The following GLRA2 variants were observed in gnomAD, a reference collection of about 807,000 sequenced individuals.
GLRA2 encodes the protein glycine receptor alpha 2, also known as glycine receptor subunit alpha-2.
GLRA2 carries 11 observed loss-of-function variants against 31.6 expected under a neutral mutation model. The observed-to-expected ratio is 0.35, with a 90% CI of 0.22 to 0.58. The LOEUF is 0.58. Ranked by LOEUF, GLRA2 falls within the 20% of genes least tolerant of loss-of-function variation. GLRA2 has a pLI of 0.84. For missense variants in GLRA2, 212 were observed against 351.8 expected (o/e 0.60, Z 3.18); for synonymous variants, 132 against 134.0 (o/e 0.99, Z 0.10).
chrX:14,541,726 G>A (rs1253710755), intron 2 of GLRA2, among the ~76,000 whole-genome samples: 1 of 111,378 alleles, frequency 9.0e-6, no homozygotes, highest in Non-Finnish European at 1.9e-5. Context: ...CACACATTTG[G>A]CAAACCAAAC....
the GLRA2 span, among the ~76,000 whole-genome samples, chrX:14,515,122 G>A: frequency 1.4e-4 from 16 of 110,724 alleles, no homozygotes; most frequent in Admixed American, 1.4e-3. Flanking sequence ...TATTTCACTC[G>A]TGTTTTGTTT....
chrX:14,503,730 A>G, the GLRA2 span, among the ~76,000 whole-genome samples: 1 of 111,343 alleles, frequency 9.0e-6, no homozygotes, highest in Non-Finnish European at 1.9e-5. Context: ...GAACTTTAAT[A>G]CAAGGATTCT....
At chrX:14,477,860 C>T in the GLRA2 span, among the ~76,000 whole-genome samples, 2,182 of 110,746 alleles carry the variant, frequency 0.02, 67 homozygotes, top group African/African-American at 0.067. Context: ...CTCCTGGCAA[C>T]GATTTTCTGT....
chrX:14,632,290 C>T (rs754035850), intron 7 of GLRA2, among the ~76,000 whole-genome samples: 4 of 110,910 alleles, frequency 3.6e-5, no homozygotes, highest in South Asian at 3.8e-4. Context: ...TCCATCTTGA[C>T]GTTAAGTGGC....
intron 7 of GLRA2, among the ~76,000 whole-genome samples, chrX:14,669,871 C>G (rs1023814371): frequency 1.8e-5 from 2 of 112,458 alleles, no homozygotes; most frequent in African/African-American, 6.5e-5. Flanking sequence ...TTTGGCCCCT[C>G]GACTTATGCA....
the GLRA2 span, among the ~76,000 whole-genome samples, chrX:14,485,415 A>G: frequency 2.7e-5 from 3 of 112,184 alleles, no homozygotes; most frequent in Non-Finnish European, 3.8e-5. Flanking sequence ...TTTTGTTTAT[A>G]CTATGAAATC....
the GLRA2 span, among the ~76,000 whole-genome samples, chrX:14,492,649 G>A: frequency 9.0e-6 from 1 of 111,627 alleles, no homozygotes; most frequent in African/African-American, 3.3e-5. Flanking sequence ...ACACATTACT[G>A]ATGGGAATTC....
At chrX:14,538,843 AT>A (rs1569488289) in intron 2 of GLRA2, among the ~76,000 whole-genome samples, 1 of 111,585 alleles carries the variant, frequency 9.0e-6, no homozygotes. Context: ...ATGATTTCCT[AT>A]TTTAGAATTA....
chrX:14,717,302 C>T (rs930925587), intron 8 of GLRA2, among the ~76,000 whole-genome samples: 8 of 106,475 alleles, frequency 7.5e-5, no homozygotes, highest in African/African-American at 2.4e-4. Context: ...TCTGCCATTT[C>T]ACTCTTCTTT....
At chrX:14,560,536 G>T (rs1442905829) in intron 2 of GLRA2, among the ~76,000 whole-genome samples, 4 of 111,600 alleles carry the variant, frequency 3.6e-5, no homozygotes, top group Non-Finnish European at 7.5e-5. Context: ...TTGGCCAGGT[G>T]TGGTGGTTCA....
the GLRA2 span, among the ~76,000 whole-genome samples, chrX:14,491,328 T>C: frequency 9.0e-6 from 1 of 111,704 alleles, no homozygotes; most frequent in Non-Finnish European, 1.9e-5. Context: ...GGCCACATAC[T>C]CGCCTATAAA....
the GLRA2 span, among the ~76,000 whole-genome samples, chrX:14,486,931 C>G: frequency 9.0e-6 from 1 of 110,710 alleles, no homozygotes; most frequent in Non-Finnish European, 1.9e-5. Flanking sequence ...TGGTGGCAAA[C>G]ATAAAATTCA....
At chrX:14,697,948 A>C (rs758260848) in intron 8 of GLRA2, among the ~76,000 whole-genome samples, 2 of 111,887 alleles carry the variant, frequency 1.8e-5, no homozygotes, top group Admixed American at 9.4e-5. Context: ...TAGAGTTGTA[A>C]TGTCTGTCAG....
At chrX:14,539,124 C>T (rs1426101339) in intron 2 of GLRA2, among the ~76,000 whole-genome samples, 3 of 110,769 alleles carry the variant, frequency 2.7e-5, no homozygotes, top group Non-Finnish European at 5.7e-5. Flanking sequence ...TCTCTTGGTG[C>T]TCAATGAATG....
At chrX:14,685,717 G>A (rs2091268772) in intron 7 of GLRA2, among the ~76,000 whole-genome samples, 1 of 110,357 alleles carries the variant, frequency 9.1e-6, no homozygotes, top group Non-Finnish European at 1.9e-5. Flanking sequence ...TTTCTTCTTA[G>A]TCTTCCTAGT....
At chrX:14,461,117 C>A in the GLRA2 span, among the ~76,000 whole-genome samples, 1 of 112,111 alleles carries the variant, frequency 8.9e-6, no homozygotes, top group Non-Finnish European at 1.9e-5. Flanking sequence ...TCATTATTTA[C>A]CCAGTAGCCA....
At chrX:14,662,694 T>C (rs1196211710) in intron 7 of GLRA2, among the ~76,000 whole-genome samples, 1 of 111,753 alleles carries the variant, frequency 8.9e-6, no homozygotes. Flanking sequence ...TAAGTTTGCA[T>C]CTCTGTCAAC....
At chrX:14,667,845 A>G (rs1265178120) in intron 7 of GLRA2, among the ~76,000 whole-genome samples, 11 of 111,849 alleles carry the variant, frequency 9.8e-5, no homozygotes, top group Non-Finnish European at 3.8e-5. Context: ...ACATATATTA[A>G]CTGTCAATTG....
chrX:14,631,252 C>T (rs2090642089), intron 7 of GLRA2, among the ~76,000 whole-genome samples: 1 of 111,304 alleles, frequency 9.0e-6, no homozygotes, highest in African/African-American at 3.3e-5. Context: ...TGATTTGGGT[C>T]TTTTTTATGT....
Sources: allele counts gnomAD v4.1 joint callset (sites outside exome capture counted in the v4.1 genomes callset), GRCh38; gene constraint gnomAD v4.1.1; transcripts MANE v1.5; gene names NCBI Gene and HGNC (gene_info 2026-07-23, HGNC 2026-07-21).